CHODL: variants seen among roughly 807,000 people sequenced by gnomAD.
CHODL encodes transmembrane protein MT75.
In CHODL, 29 loss-of-function variants were observed where a neutral mutation model predicts 34.5. The ratio of observed to expected loss-of-function variants is 0.84; its 90% CI spans 0.63 to 1.15. The LOEUF (loss-of-function observed/expected upper bound fraction) is 1.15, where lower values mean the gene tolerates loss of function less well. CHODL is among the 50% of genes most tolerant of loss of function. The pLI is 0.00. For synonymous variants in CHODL, 125 were observed against 116.1 expected, an observed-to-expected ratio of 1.08 and a Z score of -0.49; for missense variants, 332 against 332.5, an observed-to-expected ratio of 1.00 and a Z score of 0.01.
intron 2 of CHODL, among the ~76,000 whole-genome samples, chr21:18,099,722 CAT>C (rs1233817407): frequency 6.6e-6 from 1 of 152,044 alleles, no homozygotes; most frequent in African/African-American, 2.4e-5. Flanking sequence ...ATTCAATAAA[CAT>C]ATGTATATTT....
intron 5 of CHODL, among the ~76,000 whole-genome samples, chr21:18,263,378 C>A (rs2074405881): frequency 6.6e-6 from 1 of 152,060 alleles, no homozygotes; most frequent in Admixed American, 6.5e-5. Flanking sequence ...TCAAAAAGAT[C>A]TTTTAAGAAC....
intron 1 of CHODL, among the ~76,000 whole-genome samples, chr21:18,249,530 C>A (rs751931389): frequency 1.3e-5 from 2 of 152,186 alleles, no homozygotes; most frequent in African/African-American, 2.4e-5. Context: ...AATGCACAAG[C>A]CTTGCTTATA....
chr21:18,214,804 T>C (rs751487521), intron 2 of CHODL, among the ~76,000 whole-genome samples: 1 of 152,090 alleles, frequency 6.6e-6, no homozygotes, highest in Non-Finnish European at 1.5e-5. Flanking sequence ...ACTTAGGCGA[T>C]AGTCACCTTA....
chr21:18,251,987 G>T (rs550441125), intron 1 of CHODL, among the ~76,000 whole-genome samples: 24 of 151,728 alleles, frequency 1.6e-4, no homozygotes, highest in African/African-American at 5.8e-4. Context: ...ATACTTTTTA[G>T]ATTTAAAAAT....
chr21:18,160,920 A>G (rs1010970151), intron 2 of CHODL, among the ~76,000 whole-genome samples: 1 of 152,198 alleles, frequency 6.6e-6, no homozygotes, highest in African/African-American at 2.4e-5. Flanking sequence ...TGTCTTCCAC[A>G]ATGACTGAAC....
chr21:18,206,271 C>G (rs529160966), intron 2 of CHODL, among the ~76,000 whole-genome samples: 1 of 152,214 alleles, frequency 6.6e-6, no homozygotes, highest in South Asian at 2.1e-4. Context: ...AAGTTGATCT[C>G]TCTCATTAGC....
intron 2 of CHODL, among the ~76,000 whole-genome samples, chr21:18,195,806 C>T (rs560357598): frequency 1.2e-4 from 19 of 152,228 alleles, no homozygotes; most frequent in African/African-American, 4.1e-4. Flanking sequence ...TATCCCCAGC[C>T]AGTAATACTA....
intron 2 of CHODL, among the ~76,000 whole-genome samples, chr21:18,033,118 G>C (rs1167350920): frequency 6.6e-6 from 1 of 151,982 alleles, no homozygotes; most frequent in Non-Finnish European, 1.5e-5. Context: ...TTGGGGGTTA[G>C]GGAAGGCTGA....
chr21:18,070,223 T>C (rs1021836281), intron 2 of CHODL, among the ~76,000 whole-genome samples: 2 of 151,474 alleles, frequency 1.3e-5, no homozygotes, highest in African/African-American at 4.8e-5. Flanking sequence ...CAGAAACCTA[T>C]GGAAAAAAAA....
At chr21:18,209,383 G>A (rs540715538) in intron 2 of CHODL, among the ~76,000 whole-genome samples, 1 of 152,196 alleles carries the variant, frequency 6.6e-6, no homozygotes, top group East Asian at 1.9e-4. Flanking sequence ...GCCAGCTTAT[G>A]GTAAATTTTA....
intron 2 of CHODL, chr21:18,134,377 T>G (rs9977750): frequency 0.59 from 305,560 of 514,672 alleles, 94,509 homozygotes; most frequent in Non-Finnish European, 0.68. Context: ...TGGAGGTGTT[T>G]TAAGTCAAGC....
intron 1 of CHODL, among the ~76,000 whole-genome samples, chr21:18,253,871 C>T (rs999984948): frequency 2.6e-4 from 39 of 152,106 alleles, no homozygotes; most frequent in African/African-American, 7.5e-4. Context: ...GTCCAGATCA[C>T]GGTCACGAAA....
At chr21:18,042,132 A>G (rs2064383307) in intron 2 of CHODL, among the ~76,000 whole-genome samples, 1 of 151,930 alleles carries the variant, frequency 6.6e-6, no homozygotes, top group Non-Finnish European at 1.5e-5. Context: ...AAAAATGTAA[A>G]TGTTCCACTG....
intron 2 of CHODL, among the ~76,000 whole-genome samples, chr21:18,087,416 T>C (rs2065020763): frequency 6.6e-6 from 1 of 152,142 alleles, no homozygotes; most frequent in Non-Finnish European, 1.5e-5. Flanking sequence ...AAATGGCACC[T>C]TGGGCATGTG....
chr21:18,097,692 A>C (rs1413295663), intron 2 of CHODL, among the ~76,000 whole-genome samples: 1 of 152,138 alleles, frequency 6.6e-6, no homozygotes, highest in Non-Finnish European at 1.5e-5. Flanking sequence ...TACCAATGAC[A>C]TTCTTCACAG....
intron 1 of CHODL, among the ~76,000 whole-genome samples, chr21:17,944,797 TAA>T (rs1485694953): frequency 1.3e-5 from 2 of 152,068 alleles, no homozygotes; most frequent in African/African-American, 2.4e-5. Flanking sequence ...GACTAAACAG[TAA>T]AACATTATCC....
chr21:18,227,583 A>T (rs1392855803), intron 2 of CHODL, among the ~76,000 whole-genome samples: 1 of 152,132 alleles, frequency 6.6e-6, no homozygotes, highest in African/African-American at 2.4e-5. Flanking sequence ...TGATTAGAAA[A>T]TACATATATT....
chr21:17,978,562 C>CA (rs1186450764), intron 1 of CHODL, among the ~76,000 whole-genome samples: 1 of 142,020 alleles, frequency 7.0e-6, no homozygotes, highest in Non-Finnish European at 1.5e-5. Flanking sequence ...ACTAAAAATA[C>CA]AAAAAATTAG....
rs1491107369 is a variant in CHODL, at chr21:18,174,121, G to GTATATATATA, written c.-44-82387_-44-82386insATATATATAT. Among the ~76,000 whole-genome samples, 17 of 60,864 alleles carry GTATATATATA rather than the reference G, an allele frequency of 2.8e-4. 3 individuals are homozygous for GTATATATATA. In the East Asian group the frequency reaches 3.2e-3, roughly 12 times the overall value. The allele number at this position is 60,864 out of a possible 152,430, so 39.9% of individuals were successfully genotyped here. A position where few individuals can be genotyped will look rare whatever the true frequency, so the allele number is the denominator to read the frequency against. On this transcript the variant is annotated intron_variant, in intron 2 of 6. Transcript: ENST00000400127. ...AGGATATATATATATATATATCTTG[G>GTATATATATA]TGTATATATATATATATATATATAT...
Sources: allele counts gnomAD v4.1 joint callset (sites outside exome capture counted in the v4.1 genomes callset), GRCh38; gene constraint gnomAD v4.1.1; transcripts MANE v1.5; gene names NCBI Gene and HGNC (gene_info 2026-07-23, HGNC 2026-07-21).